Variants in KNL1 observed in about 807,000 individuals in gnomAD.
The protein encoded by KNL1 is outer kinetochore KNL1 complex subunit KNL1.
KNL1 carries 66 observed loss-of-function variants against 201.3 expected under a neutral mutation model. The ratio of observed to expected loss-of-function variants is 0.33; its 90% CI spans 0.27 to 0.40. The LOEUF (loss-of-function observed/expected upper bound fraction) is 0.40, where lower values mean the gene tolerates loss of function less well. Among genes scored for constraint, KNL1 ranks in the 10% least tolerant of loss-of-function variants. The pLI is 1.00. For missense variants in KNL1, 2,815 were observed against 2,690.5 expected (o/e 1.05, Z -1.02); for synonymous variants, 895 against 899.2 (o/e 1.00, Z 0.08).
At chr15:40,608,766 T>C in intron 4 of KNL1, 81 bp from the exon 5 acceptor site, 1 of 942,342 alleles carries the variant, frequency 1.1e-6, no homozygotes, top group East Asian at 2.6e-5. Flanking sequence ...AAAAAAGGAC[T>C]TGATCTCTGT....
Position 40,625,628 on chromosome 15 carries a change from A to G in KNL1, c.5364A>G (p.Thr1788=), listed in dbSNP as rs776935027. The G allele has an allele frequency of 6.2e-7, 1 of 1,610,918 alleles. No homozygotes were observed. Among genetic ancestry groups the G allele is most frequent in the South Asian group, 1.1e-5 (1 of 90,340 alleles). The change falls in exon 10 of 26, where the codon ACA becomes ACG. Residue 1788 remains threonine (T), a synonymous_variant. Transcript: ENST00000399668. ...RKNEIKFSDT[T]QDREIFDHHT... ...ATGAGATTAAGTTTAGTGATACGACACAAGATCGGGAGGTGAGCTCTGTCT... is the reference window on the plus strand; with the variant it reads ...ATGAGATTAAGTTTAGTGATACGACGCAAGATCGGGAGGTGAGCTCTGTCT...
chr15:40,620,761 T>C lies in KNL1; in HGVS notation c.497T>C (p.Leu166Ser), dbSNP rs7169142. 255 of 1,613,416 alleles carry C rather than the reference T, an allele frequency of 1.6e-4. No homozygotes were observed. In the African/African-American group the frequency reaches 3.2e-3, roughly 20 times the overall value. Residue 166 changes from leucine to serine, a missense_variant, in exon 10 of 26, where the codon TTA (leucine) becomes TCA (serine). Physicochemically the swap from Leu to Ser is moderately radical, Grantham distance 145 (BLOSUM62 -2). Transcript: ENST00000399668. ...ACTGTAATGATTACCAAAGGCCTTT[T>C]AGATAATCCCATAAGTGAAAAGTCC... The part of the protein sequence containing the change: ...SHTVMITKGL[L>S]DNPISEKSTK...
chr15:40,662,030 C>T, intron 25 of KNL1, 44 bp from the exon 26 acceptor site: 1 of 1,146,006 alleles, frequency 8.7e-7, no homozygotes, highest in Non-Finnish European at 1.3e-6. Context: ...CAGAGCGAGA[C>T]TCCGTCGCAA....
Position 40,605,159 on chromosome 15 carries a change from A to C in KNL1, c.75+10A>C, listed in dbSNP as rs761370301. On this transcript the variant is annotated intron_variant, in intron 3 of 25. Transcript: ENST00000399668. Reference sequence around the variant, plus strand: ...AAGACGGCATTCTTCAGTAAGAAAGACTTTCTTGAATTAATAATTGTCAGC... The same window carrying C: ...AAGACGGCATTCTTCAGTAAGAAAGCCTTTCTTGAATTAATAATTGTCAGC... The C allele has an allele frequency of 7.1e-7, 1 of 1,418,312 alleles. No homozygotes were observed. The highest frequency in any genetic ancestry group is 1.2e-5 in the South Asian group (1 of 86,898). The allele number at this position is 1,418,312 out of a possible 1,614,324, so 87.9% of individuals were successfully genotyped here. A position where few individuals can be genotyped will look rare whatever the true frequency, so the allele number is the denominator to read the frequency against.
chr15:40,625,711 A>G (rs758415677), intron 10 of KNL1, 71 bp downstream of exon 10: 1 of 1,207,898 alleles, frequency 8.3e-7, no homozygotes, highest in Non-Finnish European at 1.2e-6. Context: ...AATTGTGGGT[A>G]TTCTCAAATT....
intron 1 of KNL1, among the ~76,000 whole-genome samples, chr15:40,602,250 G>A (rs1243690473): frequency 6.8e-6 from 1 of 147,032 alleles, no homozygotes; most frequent in Admixed American, 6.8e-5. Flanking sequence ...AGCCAAGATG[G>A]TCTCGATCTC....
chr15:40,649,108 G>T (rs886276867), intron 17 of KNL1, among the ~76,000 whole-genome samples: 1 of 150,686 alleles, frequency 6.6e-6, no homozygotes, highest in African/African-American at 2.4e-5. Flanking sequence ...AAAGTGCTGG[G>T]ATTACGGGTG....
Position 40,623,946 on chromosome 15 carries a change from G to C in KNL1, c.3682G>C (p.Glu1228Gln). Residue 1228 changes from glutamate (E) to glutamine (Q), a missense_variant, in exon 10 of 26, where the codon GAG becomes CAG. Physicochemically the swap from Glu to Gln is conservative, Grantham distance 29 (BLOSUM62 2). Transcript: ENST00000399668. ...AVGNKIVLHTEQKQQLFAATN... is the reference protein window; with the variant it reads ...AVGNKIVLHTQQKQQLFAATN... The stretch of plus-strand genomic sequence containing the variant: ...AGGAAACAAAATAGTTCTTCACACC[G>C]AGCAAAAGCAACAACTCTTTGCTGC... 6.2e-6 allele frequency: 10 copies of C among 1,613,372 alleles called. No homozygotes were observed. The highest frequency in any genetic ancestry group is 7.6e-6 in the Non-Finnish European group (9 of 1,179,920).
At chr15:40,599,426 C>T (rs144069260) in intron 1 of KNL1, among the ~76,000 whole-genome samples, 2,119 of 151,450 alleles carry the variant, frequency 0.014, 20 homozygotes, top group Non-Finnish European at 0.023. Context: ...CTCTGTTGCC[C>T]AGGCTGGAGT....
chr15:40,660,449 G>A (rs1255890152), intron 25 of KNL1, among the ~76,000 whole-genome samples: 6 of 151,352 alleles, frequency 4.0e-5, no homozygotes, highest in South Asian at 2.1e-4. Flanking sequence ...GGTGGATCAC[G>A]AGGTCAGGAG....
intron 14 of KNL1, among the ~76,000 whole-genome samples, chr15:40,643,789 T>C (rs1464134449): frequency 6.6e-6 from 1 of 152,246 alleles, no homozygotes; most frequent in Non-Finnish European, 1.5e-5. Flanking sequence ...TAGAAGTTTT[T>C]TTGATGTATG....
chr15:40,603,006 C>A, intron 2 of KNL1, 40 bp downstream of exon 2: 3 of 1,318,986 alleles, frequency 2.3e-6, no homozygotes, highest in Non-Finnish European at 3.2e-6. Context: ...TATATTCTAT[C>A]AGAGAAAGAT....
intron 1 of KNL1, among the ~76,000 whole-genome samples, chr15:40,597,087 T>C (rs1203615602): frequency 6.6e-6 from 1 of 151,864 alleles, no homozygotes; most frequent in Non-Finnish European, 1.5e-5. Flanking sequence ...TTAAAACTAA[T>C]GTAATGCAAA....
At chr15:40,655,328 T>C (rs886341888) in intron 22 of KNL1, among the ~76,000 whole-genome samples, 11 of 151,874 alleles carry the variant, frequency 7.2e-5, no homozygotes, top group African/African-American at 2.7e-4. Context: ...GCACGGTGGC[T>C]CATGCTTGTA....
At chr15:40,619,490 C>T (rs894883740) in intron 9 of KNL1, among the ~76,000 whole-genome samples, 1 of 152,124 alleles carries the variant, frequency 6.6e-6, no homozygotes, top group African/African-American at 2.4e-5. Context: ...CAGCCTCAAT[C>T]TTCTGGGCTG....
At chr15:40,638,648 C>T (rs1051584293) in intron 13 of KNL1, among the ~76,000 whole-genome samples, 4 of 151,752 alleles carry the variant, frequency 2.6e-5, no homozygotes, top group Admixed American at 6.6e-5. Context: ...CCCACCACCA[C>T]GCCCGGCTAA....
intron 13 of KNL1, among the ~76,000 whole-genome samples, chr15:40,638,198 AAGAG>A (rs1595936806): frequency 7.3e-6 from 1 of 137,030 alleles, no homozygotes; most frequent in South Asian, 2.4e-4. Flanking sequence ...AAAAGAAAGA[AAGAG>A]AGAGAGAGGG....
intron 12 of KNL1, 137 bp downstream of exon 12, chr15:40,628,815 T>A: frequency 1.9e-6 from 1 of 526,010 alleles, no homozygotes; most frequent in Non-Finnish European, 3.3e-6. Flanking sequence ...GAAGACTACT[T>A]TTCTTTGTTA....
At position 40,628,646 on chromosome 15, in the gene KNL1, A is replaced by G. The variant is rs1422700374; in HGVS notation, c.5551A>G (p.Arg1851Gly). ...RSSQMESQFL[R>G]DTICEESLRE... ...TAGTCAAATGGAATCACAGTTTCTC[A>G]GAGATACTATTTGTGAAGAGAGCTT... Residue 1851 changes from arginine to glycine, a missense_variant, in exon 12 of 26, where the codon AGA (arginine) becomes GGA (glycine). By Grantham distance (125) the Arg-to-Gly change is moderately radical. Around this residue, in one of 3 missense-constraint regions of KNL1, gnomAD observed 2,464 missense variants for 2,291.7 expected, o/e 1.08. Coordinates refer to ENST00000399668, the MANE Select transcript of KNL1 (RefSeq NM_144508.5). The G allele has an allele frequency of 5.0e-6, 8 of 1,602,680 alleles. No individual in the cohort carries two copies. In the South Asian group the frequency reaches 6.8e-5, roughly 14 times the overall value.
Sources: gnomAD v4.1 joint callset for allele counts (sites outside exome capture counted in the v4.1 genomes callset) on GRCh38, gnomAD v4.1.1 for gene constraint, gnomAD v4.1.1 regional missense constraint, MANE v1.5 for transcripts, NCBI Gene and HGNC (gene_info 2026-07-23, HGNC 2026-07-21) for gene names.